Variants in NELL1 observed in about 807,000 individuals in gnomAD.
NELL1 encodes the protein neural EGFL like 1.
NELL1 carries 76 observed loss-of-function variants against 107.4 expected under a neutral mutation model. The ratio of observed to expected loss-of-function variants is 0.71; its 90% CI spans 0.59 to 0.86. NELL1 has a LOEUF of 0.86. Among genes scored for constraint, NELL1 ranks in the 40% least tolerant of loss-of-function variants. The pLI is 0.00. For synonymous variants in NELL1, 353 were observed against 341.2 expected (o/e 1.03, Z -0.38); for missense variants, 1,024 against 1,005.5 (o/e 1.02, Z -0.25).
chr11:21,167,879 C>G lies in NELL1; in HGVS notation c.1426+54165C>G, dbSNP rs373346540. On this transcript the variant is annotated intron_variant, in intron 13 of 19. Coordinates refer to ENST00000357134, the MANE Select transcript of NELL1 (RefSeq NM_006157.5). Reference sequence around the variant, plus strand: ...TTTTAATGTGCTCTTCTTTTGACCACTTACCTACAGAAAACCAAATATGCC... The same window carrying G: ...TTTTAATGTGCTCTTCTTTTGACCAGTTACCTACAGAAAACCAAATATGCC... Among the ~76,000 whole-genome samples, 9 of 151,932 alleles carry G rather than the reference C, an allele frequency of 5.9e-5. No homozygotes were observed. The East Asian group carries it at 1.4e-3, about 23-fold the overall frequency.
At chr11:21,262,741 T>C (rs1163731360) in intron 14 of NELL1, among the ~76,000 whole-genome samples, 3 of 151,890 alleles carry the variant, frequency 2.0e-5, no homozygotes, top group African/African-American at 7.2e-5. Flanking sequence ...ATACATTTTC[T>C]TCATCCTGTT....
intron 2 of NELL1, among the ~76,000 whole-genome samples, chr11:20,760,153 A>G (rs1019374810): frequency 6.6e-6 from 1 of 152,240 alleles, no homozygotes; most frequent in Non-Finnish European, 1.5e-5. Context: ...GCTTACAGCT[A>G]TAGCACTGGG....
At chr11:21,328,346 G>A (rs141354767) in intron 14 of NELL1, among the ~76,000 whole-genome samples, 116 of 152,240 alleles carry the variant, frequency 7.6e-4, no homozygotes, top group African/African-American at 2.5e-3. Flanking sequence ...CAGCTTACAC[G>A]TGGTGTTGAG....
At chr11:21,311,166 A>G (rs189046028) in intron 14 of NELL1, among the ~76,000 whole-genome samples, 2 of 152,276 alleles carry the variant, frequency 1.3e-5, no homozygotes, top group East Asian at 3.9e-4. Flanking sequence ...CATGCTATAA[A>G]ATTAAATGTT....
chr11:20,775,371 A>G (rs1856730310), intron 2 of NELL1, among the ~76,000 whole-genome samples: 1 of 152,238 alleles, frequency 6.6e-6, no homozygotes, highest in African/African-American at 2.4e-5. Flanking sequence ...ATTACAATAT[A>G]TAATTTTCCA....
intron 4 of NELL1, among the ~76,000 whole-genome samples, chr11:20,883,710 G>T (rs1220530179): frequency 6.6e-6 from 1 of 152,004 alleles, no homozygotes; most frequent in Non-Finnish European, 1.5e-5. Flanking sequence ...CTTTTTTCCA[G>T]TGAAAAATAT....
chr11:21,440,980 C>T (rs1327352964), intron 15 of NELL1, among the ~76,000 whole-genome samples: 3 of 152,068 alleles, frequency 2.0e-5, no homozygotes, highest in Non-Finnish European at 4.4e-5. Flanking sequence ...ATCTGTAAAA[C>T]GTATGAAAAG....
At chr11:21,371,257 TATC>T (rs1242940558) in intron 15 of NELL1, among the ~76,000 whole-genome samples, 3 of 152,152 alleles carry the variant, frequency 2.0e-5, no homozygotes, top group Non-Finnish European at 4.4e-5. Flanking sequence ...CTGCCTCACT[TATC>T]ATCTACTGGG....
chr11:21,574,566 T>G (rs1262460485), intron 19 of NELL1, among the ~76,000 whole-genome samples: 17 of 151,872 alleles, frequency 1.1e-4, no homozygotes. Flanking sequence ...TGGACTTGCC[T>G]GAAGATTGTT....
At chr11:21,452,254 A>G (rs1344721691) in intron 15 of NELL1, among the ~76,000 whole-genome samples, 1 of 152,156 alleles carries the variant, frequency 6.6e-6, no homozygotes, top group Non-Finnish European at 1.5e-5. Flanking sequence ...ATCAAAGCAT[A>G]CAAACTCATT....
intron 14 of NELL1, among the ~76,000 whole-genome samples, chr11:21,370,404 G>A (rs1851331142): frequency 6.6e-6 from 1 of 152,042 alleles, no homozygotes; most frequent in South Asian, 2.1e-4. Flanking sequence ...AAGCTATATG[G>A]ACTATCAGAA....
At chr11:21,243,458 A>T (rs757579980) in intron 14 of NELL1, among the ~76,000 whole-genome samples, 1 of 152,136 alleles carries the variant, frequency 6.6e-6, no homozygotes, top group African/African-American at 2.4e-5. Context: ...TTTACAGATA[A>T]GAAAACTGAG....
At chr11:21,058,699 G>A (rs1454031428) in intron 12 of NELL1, among the ~76,000 whole-genome samples, 1 of 152,090 alleles carries the variant, frequency 6.6e-6, no homozygotes. Context: ...GGTTTTGGGG[G>A]AGATATAATT....
At chr11:21,213,331 C>T (rs1232867245) in intron 13 of NELL1, among the ~76,000 whole-genome samples, 1 of 151,826 alleles carries the variant, frequency 6.6e-6, no homozygotes, top group Non-Finnish European at 1.5e-5. Flanking sequence ...TAACATAATT[C>T]CTAAAAAAAT....
chr11:21,164,973 T>C (rs1856449469), intron 13 of NELL1, among the ~76,000 whole-genome samples: 1 of 152,244 alleles, frequency 6.6e-6, no homozygotes, highest in African/African-American at 2.4e-5. Context: ...ACATTCCTTC[T>C]CATAGAGACT....
At chr11:20,709,785 T>C (rs1564873575) in intron 2 of NELL1, among the ~76,000 whole-genome samples, 1 of 151,608 alleles carries the variant, frequency 6.6e-6, no homozygotes, top group South Asian at 2.1e-4. Context: ...ATTAATATTT[T>C]ATTATTATTC....
intron 2 of NELL1, among the ~76,000 whole-genome samples, chr11:20,691,523 T>C (rs11511868): frequency 0.39 from 59,640 of 151,854 alleles, 13,236 homozygotes; most frequent in African/African-American, 0.6. Context: ...AAGGCCTTTT[T>C]TGCATTTATT....
intron 13 of NELL1, among the ~76,000 whole-genome samples, chr11:21,186,202 A>G (rs1487723347): frequency 1.3e-5 from 2 of 151,844 alleles, no homozygotes; most frequent in African/African-American, 4.9e-5. Context: ...TGGACATGTT[A>G]AAAGAAGGGC....
At chr11:21,486,455 A>G (rs1258662606) in intron 15 of NELL1, among the ~76,000 whole-genome samples, 1 of 152,176 alleles carries the variant, frequency 6.6e-6, no homozygotes, top group African/African-American at 2.4e-5. Flanking sequence ...CACCAACAAC[A>G]TATCTACATC....
Sources: allele counts gnomAD v4.1 joint callset (sites outside exome capture counted in the v4.1 genomes callset), GRCh38; gene constraint gnomAD v4.1.1; transcripts MANE v1.5; gene names NCBI Gene and HGNC (gene_info 2026-07-23, HGNC 2026-07-21).